The following SYTL3 variants were observed in gnomAD, a reference collection of about 807,000 sequenced individuals.
SYTL3 encodes the protein synaptotagmin-like protein 3.
A neutral mutation model predicts 82.1 loss-of-function variants in SYTL3; 88 were observed. The observed-to-expected ratio is 1.07, with a 90% CI of 0.90 to 1.28. The LOEUF (loss-of-function observed/expected upper bound fraction) is 1.28. Ranked by LOEUF, SYTL3 falls within the 50% of genes most tolerant of loss-of-function variation. SYTL3 has a pLI of 0.00. For missense variants in SYTL3, 831 were observed against 757.6 expected (o/e 1.10, Z -1.14); for synonymous variants, 311 against 289.4 (o/e 1.07, Z -0.76).
chr6:158,721,502 C>T (rs1238368807), intron 10 of SYTL3, among the ~76,000 whole-genome samples: 3 of 152,088 alleles, frequency 2.0e-5, no homozygotes, highest in African/African-American at 4.8e-5. Flanking sequence ...TGAGCCACCA[C>T]GCCCAGCCAG....
intron 12 of SYTL3, among the ~76,000 whole-genome samples, chr6:158,747,071 C>T (rs919648121): frequency 6.6e-6 from 1 of 152,186 alleles, no homozygotes; most frequent in African/African-American, 2.4e-5. Flanking sequence ...ACTGCAACCT[C>T]TGCCTCCTGG....
chr6:158,707,758 A>G (rs1453536132), intron 7 of SYTL3, among the ~76,000 whole-genome samples: 1 of 152,252 alleles, frequency 6.6e-6, no homozygotes. Context: ...GAAGCTGGCC[A>G]TAATTCACAC....
Position 158,757,916 on chromosome 6 carries a change from G to A in SYTL3, c.1308+535G>A, listed in dbSNP as rs1218054570. 9.2e-5 allele frequency among the ~76,000 whole-genome samples: 14 copies of A among 152,302 alleles called. No individual in the cohort carries two copies. The East Asian group carries it at 1.9e-3, about 21-fold the overall frequency. ...TCCAGCTCCTGGTTTGGAATTGCAC[G>A]GCGGGAGATAGATAGCACGTGGGCT... On this transcript the variant is annotated intron_variant, in intron 14 of 17. Coordinates refer to ENST00000611299, the MANE Select transcript of SYTL3 (RefSeq NM_001242394.2).
chr6:158,758,503 CCTT>C (rs2128545321), intron 14 of SYTL3, among the ~76,000 whole-genome samples: 1 of 152,272 alleles, frequency 6.6e-6, no homozygotes, highest in East Asian at 1.9e-4. Context: ...GCAGGCCCAG[CCTT>C]CTGCTCCGAC....
At chr6:158,697,451 A>T (rs1169417999) in intron 6 of SYTL3, among the ~76,000 whole-genome samples, 1 of 149,380 alleles carries the variant, frequency 6.7e-6, no homozygotes. Context: ...CAGTCAATCA[A>T]TCAGGGGGAA....
At chr6:158,716,646 C>A (rs1783464980) in intron 9 of SYTL3, among the ~76,000 whole-genome samples, 1 of 152,182 alleles carries the variant, frequency 6.6e-6, no homozygotes. Context: ...CCAGCCGTTC[C>A]CTCTTTAGAT....
chr6:158,663,617 C>T (rs1789639808), intron 4 of SYTL3: 1 of 985,032 alleles, frequency 1.0e-6, no homozygotes, highest in Non-Finnish European at 1.2e-6. Context: ...AAAACGGTGC[C>T]TTTGGGCGGT....
intron 10 of SYTL3, among the ~76,000 whole-genome samples, chr6:158,724,140 C>T (rs55756401): frequency 0.063 from 9,568 of 152,290 alleles, 335 homozygotes; most frequent in African/African-American, 0.076. Flanking sequence ...AATGGTGTCT[C>T]TGTCTTCCTA....
chr6:158,692,201 T>A (rs1344915619), intron 6 of SYTL3, among the ~76,000 whole-genome samples: 5 of 121,776 alleles, frequency 4.1e-5, no homozygotes, highest in African/African-American at 1.3e-4. Context: ...GAGCTTGCAG[T>A]GAGCCCAGAT....
intron 5 of SYTL3, among the ~76,000 whole-genome samples, chr6:158,666,074 A>G (rs1183067587): frequency 6.6e-6 from 1 of 152,228 alleles, no homozygotes; most frequent in South Asian, 2.1e-4. Context: ...AGCCTGGGCA[A>G]CAGAGTGAGA....
chr6:158,687,597 A>G (rs1039200771), intron 6 of SYTL3, among the ~76,000 whole-genome samples: 2 of 152,206 alleles, frequency 1.3e-5, no homozygotes, highest in African/African-American at 4.8e-5. Flanking sequence ...TCTGTCTCCA[A>G]ATCCACAGAC....
At position 158,665,622 on chromosome 6, in the gene SYTL3, G is replaced by T; in HGVS notation, c.329+9G>T. On this transcript the variant is annotated intron_variant, in intron 5 of 17. Transcript: ENST00000611299. The stretch of plus-strand genomic sequence containing the variant: ...GTGTGCTTCGAGGACAGGTAAGCAT[G>T]GCCGGTGGTTGGATCCCTCCCACTG... 1 of 1,538,244 alleles carries T rather than the reference G, an allele frequency of 6.5e-7. No individual in the cohort carries two copies. Among genetic ancestry groups the T allele is most frequent in the Non-Finnish European group, 8.8e-7 (1 of 1,136,444 alleles).
At position 158,663,180 on chromosome 6, in the gene SYTL3, G is replaced by T. The variant is rs1215146671; in HGVS notation, c.-89G>T. ...AGCTCTTTAAACAAGGCTGGCTGCA[G>T]CTGGCCTCCGCCGCTCATCTGCAGG... On this transcript the variant is annotated 5_prime_UTR_variant, in exon 4 of 18. Coordinates refer to ENST00000611299, the MANE Select transcript of SYTL3 (RefSeq NM_001242394.2). The T allele has an allele frequency of 8.8e-6, 10 of 1,140,750 alleles. No homozygotes were observed. The East Asian group carries it at 2.4e-4, about 27-fold the overall frequency. 70.7% of individuals were successfully genotyped at this position (1,140,750 alleles called of 1,614,324 possible). A position where few individuals can be genotyped will look rare whatever the true frequency, so the allele number is the denominator to read the frequency against.
chr6:158,653,860 A>T (rs536995978), intron 2 of SYTL3, among the ~76,000 whole-genome samples: 2 of 152,332 alleles, frequency 1.3e-5, no homozygotes, highest in East Asian at 3.9e-4. Context: ...GGAGGGCTGA[A>T]CATTTATTTC....
intron 3 of SYTL3, among the ~76,000 whole-genome samples, chr6:158,661,720 G>GA (rs773709940): frequency 3.6e-4 from 55 of 152,268 alleles, no homozygotes; most frequent in Non-Finnish European, 6.8e-4. Flanking sequence ...ATATAGGCAA[G>GA]AAACCACAGT....
chr6:158,750,827 G>A (rs1013448490), intron 12 of SYTL3, among the ~76,000 whole-genome samples: 2 of 152,040 alleles, frequency 1.3e-5, no homozygotes, highest in African/African-American at 2.4e-5. Flanking sequence ...ATGGAATTTC[G>A]CTTTATTGCC....
At chr6:158,703,828 T>TATTATTATC (rs1491139629) in intron 6 of SYTL3, among the ~76,000 whole-genome samples, 1 of 147,464 alleles carries the variant, frequency 6.8e-6, no homozygotes, top group African/African-American at 2.5e-5. Context: ...TTATCATTAT[T>TATTATTATC]ATTATTATTA....
At chr6:158,656,056 G>A (rs147113870) in intron 2 of SYTL3, among the ~76,000 whole-genome samples, 11 of 152,294 alleles carry the variant, frequency 7.2e-5, no homozygotes, top group African/African-American at 2.6e-4. Flanking sequence ...GGGAGGTCAC[G>A]ACTGGGATGC....
At chr6:158,686,090 G>T (rs556798328) in intron 6 of SYTL3, among the ~76,000 whole-genome samples, 1 of 152,178 alleles carries the variant, frequency 6.6e-6, no homozygotes, top group African/African-American at 2.4e-5. Context: ...GTGCACACAC[G>T]TTACCATCTT....
Sources: gnomAD v4.1 joint callset for allele counts (sites outside exome capture counted in the v4.1 genomes callset) on GRCh38, gnomAD v4.1.1 for gene constraint, MANE v1.5 for transcripts, NCBI Gene and HGNC (gene_info 2026-07-23, HGNC 2026-07-21) for gene names.